Variants in IGSF11 observed in about 807,000 individuals in gnomAD.
IGSF11 encodes the protein CXADR like 1.
In IGSF11, 22 loss-of-function variants were observed where a neutral mutation model predicts 41.0. The ratio of observed to expected loss-of-function variants is 0.54; its 90% confidence interval spans 0.38 to 0.77. The LOEUF (loss-of-function observed/expected upper bound fraction) is 0.77, where lower values mean the gene tolerates loss of function less well. IGSF11 is among the 30% of genes least tolerant of loss of function. The probability of loss-of-function intolerance (pLI) is 0.00; values close to 1 mark genes in which losing one functional copy is unlikely to be tolerated. For missense variants in IGSF11, 444 were observed against 530.8 expected (o/e 0.84, Z 1.61); for synonymous variants, 219 against 201.3 (o/e 1.09, Z -0.74).
chr3:118,926,242 G>T lies in IGSF11; in HGVS notation c.439C>A (p.Pro147Thr). 6.3e-7 allele frequency: 1 copy of T among 1,592,050 alleles called. No individual in the cohort carries two copies. Among genetic ancestry groups the T allele is most frequent in the Non-Finnish European group, 8.6e-7 (1 of 1,165,782 alleles). ...TGGGATCCTTGGATTTGGCAGTGTG[G>T]GGCAGAAGGGGGAACTATAACAGGA... ...GLTVLVPPSA[P>T]HCQIQGSQDI... The change falls in exon 4 of 7, where the codon CCA becomes ACA. Residue 147 changes from proline (P) to threonine (T), a missense_variant. This residue lies in a region of IGSF11 where 193 missense variants were observed against 283.5 expected (regional missense o/e 0.68). Transcript: ENST00000393775.
At chr3:118,927,504 C>T (rs186969313) in intron 3 of IGSF11, among the ~76,000 whole-genome samples, 12 of 152,158 alleles carry the variant, frequency 7.9e-5, no homozygotes, top group African/African-American at 2.4e-4. Context: ...TAGAAATCCC[C>T]GACTTGGTCA....
At chr3:118,927,280 A>T (rs1942409742) in intron 3 of IGSF11, among the ~76,000 whole-genome samples, 1 of 152,184 alleles carries the variant, frequency 6.6e-6, no homozygotes, top group South Asian at 2.1e-4. Context: ...AAATAAATTA[A>T]GGGCTTTTTA....
At chr3:118,998,658 T>C (rs902128901) in intron 1 of IGSF11, among the ~76,000 whole-genome samples, 30 of 152,056 alleles carry the variant, frequency 2.0e-4, no homozygotes, top group Non-Finnish European at 4.1e-4. Flanking sequence ...CCCAAAACTA[T>C]TTTTTATAAA....
At chr3:118,925,119 C>A (rs1942176213) in intron 4 of IGSF11, among the ~76,000 whole-genome samples, 1 of 152,006 alleles carries the variant, frequency 6.6e-6, no homozygotes. Flanking sequence ...GAATTTGAGG[C>A]TAGGTTAATT....
chr3:118,947,059 A>G (rs1468003982), intron 1 of IGSF11: 1 of 152,298 alleles, frequency 6.6e-6, no homozygotes, highest in Admixed American at 6.5e-5. Flanking sequence ...TTGAGACCAG[A>G]AGCAGCAGCA....
intron 4 of IGSF11, among the ~76,000 whole-genome samples, chr3:118,914,303 G>C (rs906278185): frequency 3.3e-5 from 5 of 152,112 alleles, no homozygotes; most frequent in Non-Finnish European, 5.9e-5. Flanking sequence ...CAGCGTGAGC[G>C]ACGCAGAAGA....
At chr3:118,913,919 T>C (rs1295620966) in intron 4 of IGSF11, among the ~76,000 whole-genome samples, 1 of 152,134 alleles carries the variant, frequency 6.6e-6, no homozygotes, top group Non-Finnish European at 1.5e-5. Flanking sequence ...AGAGTTATGG[T>C]GGACTGAATG....
At chr3:119,091,527 A>G (rs991565443) in intron 1 of IGSF11, among the ~76,000 whole-genome samples, 1 of 152,246 alleles carries the variant, frequency 6.6e-6, no homozygotes, top group African/African-American at 2.4e-5. Context: ...CACAGCCATA[A>G]AAAAGAATGA....
At chr3:118,985,654 G>C (rs528637170) in intron 1 of IGSF11, among the ~76,000 whole-genome samples, 1 of 152,072 alleles carries the variant, frequency 6.6e-6, no homozygotes, top group Non-Finnish European at 1.5e-5. Flanking sequence ...GAACCTAAGA[G>C]TCACCCTTGA....
At chr3:118,974,853 T>C (rs2107624477) in intron 1 of IGSF11, among the ~76,000 whole-genome samples, 1 of 152,220 alleles carries the variant, frequency 6.6e-6, no homozygotes, top group East Asian at 1.9e-4. Flanking sequence ...GTTAATCTCA[T>C]TAAAAATATA....
chr3:119,037,410 G>A (rs1460042793), upstream of IGSF11, among the ~76,000 whole-genome samples: 1 of 152,102 alleles, frequency 6.6e-6, no homozygotes, highest in Non-Finnish European at 1.5e-5. Flanking sequence ...CACTGTACTT[G>A]CCTCCTAAAG....
chr3:119,115,112 A>G (rs1438902790), intron 1 of IGSF11, among the ~76,000 whole-genome samples: 1 of 152,212 alleles, frequency 6.6e-6, no homozygotes, highest in Non-Finnish European at 1.5e-5. Context: ...TTGGGGTTAC[A>G]ATTCAATATG....
intron 1 of IGSF11, among the ~76,000 whole-genome samples, chr3:119,009,088 C>T (rs961158520): frequency 6.6e-6 from 1 of 152,082 alleles, no homozygotes; most frequent in Non-Finnish European, 1.5e-5. Context: ...ACACAAATTT[C>T]TCTGGAGAAT....
At chr3:119,118,219 A>G (rs2077285405) in intron 1 of IGSF11, among the ~76,000 whole-genome samples, 1 of 152,216 alleles carries the variant, frequency 6.6e-6, no homozygotes. Flanking sequence ...GCATTGCCCT[A>G]GCAAAGGTTC....
At chr3:119,016,495 T>G (rs1199112648) in intron 1 of IGSF11, among the ~76,000 whole-genome samples, 1 of 152,186 alleles carries the variant, frequency 6.6e-6, no homozygotes, top group South Asian at 2.1e-4. Context: ...AATATAGGAT[T>G]ATTGACTATG....
At chr3:119,067,884 G>A (rs1942281386) in intron 1 of IGSF11, among the ~76,000 whole-genome samples, 1 of 152,090 alleles carries the variant, frequency 6.6e-6, no homozygotes, top group Admixed American at 6.6e-5. Context: ...GCTCTTACAG[G>A]TATCTGATAC....
chr3:119,121,881 T>C (rs2077338401), intron 1 of IGSF11, among the ~76,000 whole-genome samples: 1 of 152,048 alleles, frequency 6.6e-6, no homozygotes, highest in Admixed American at 6.5e-5. Flanking sequence ...TAAGAAACCA[T>C]GGGGGCCAGA....
chr3:119,062,619 T>C (rs763026277), intron 1 of IGSF11, among the ~76,000 whole-genome samples: 2 of 152,246 alleles, frequency 1.3e-5, no homozygotes, highest in African/African-American at 4.8e-5. Flanking sequence ...AGAAGTCCTG[T>C]TGCTGAATCT....
chr3:119,113,667 G>A (rs542259780), intron 1 of IGSF11, among the ~76,000 whole-genome samples: 1 of 152,232 alleles, frequency 6.6e-6, no homozygotes, highest in Non-Finnish European at 1.5e-5. Context: ...GGTGCAAGCT[G>A]TCGATGGATC....
Sources: gnomAD v4.1 joint callset for allele counts (sites outside exome capture counted in the v4.1 genomes callset) on GRCh38, gnomAD v4.1.1 for gene constraint, gnomAD v4.1.1 regional missense constraint, MANE v1.5 for transcripts, NCBI Gene and HGNC (gene_info 2026-07-23, HGNC 2026-07-21) for gene names.